Variants in RAB38 observed in about 807,000 individuals in gnomAD.
RAB38 encodes RAB38, member RAS oncogene family.
RAB38 carries 15 observed loss-of-function variants against 18.4 expected under a neutral mutation model. The observed-to-expected ratio is 0.82, with a 90% CI of 0.55 to 1.26. The LOEUF (loss-of-function observed/expected upper bound fraction) is 1.26. RAB38 is among the 50% of genes most tolerant of loss of function. The pLI is 0.00. For missense variants in RAB38, 294 were observed against 267.4 expected, an observed-to-expected ratio of 1.10 and a Z score of -0.69; for synonymous variants, 101 against 104.4, an observed-to-expected ratio of 0.97 and a Z score of 0.20.
the RAB38 span, among the ~76,000 whole-genome samples, chr11:88,094,873 C>T: frequency 5.9e-5 from 9 of 152,004 alleles, no homozygotes; most frequent in African/African-American, 1.9e-4. Flanking sequence ...TTATTTCACA[C>T]CTTTTCATTT....
chr11:88,044,538 A>G, the RAB38 span, among the ~76,000 whole-genome samples: 3 of 152,106 alleles, frequency 2.0e-5, no homozygotes, highest in Non-Finnish European at 4.4e-5. Context: ...TGACCCCAAT[A>G]CAAACTCGAC....
the RAB38 span, among the ~76,000 whole-genome samples, chr11:88,108,217 G>A: frequency 6.6e-6 from 1 of 151,896 alleles, no homozygotes; most frequent in Non-Finnish European, 1.5e-5. Context: ...ATTGATAGTG[G>A]GTGTTAAAGT....
the RAB38 span, among the ~76,000 whole-genome samples, chr11:88,077,909 G>T: frequency 6.6e-6 from 1 of 151,996 alleles, no homozygotes; most frequent in Non-Finnish European, 1.5e-5. Context: ...ATCTGCCAAG[G>T]AGTTAATAAC....
chr11:87,885,721 T>C, the RAB38 span, among the ~76,000 whole-genome samples: 1 of 151,972 alleles, frequency 6.6e-6, no homozygotes, highest in South Asian at 2.1e-4. Flanking sequence ...CTCATTTTTG[T>C]TTCTTCTTAA....
chr11:87,820,886 G>C, the RAB38 span, among the ~76,000 whole-genome samples: 2 of 152,322 alleles, frequency 1.3e-5, no homozygotes, highest in East Asian at 3.9e-4. Context: ...ATATTAGAGA[G>C]AGAAGAATAA....
chr11:87,854,684 TA>T, the RAB38 span, among the ~76,000 whole-genome samples: 987 of 152,272 alleles, frequency 6.5e-3, 11 homozygotes, highest in African/African-American at 0.022. Flanking sequence ...ATGTTTAAAA[TA>T]AAACATCTTT....
chr11:88,040,022 GC>G, the RAB38 span, among the ~76,000 whole-genome samples: 1 of 152,156 alleles, frequency 6.6e-6, no homozygotes, highest in African/African-American at 2.4e-5. Context: ...TTCTTGTTTA[GC>G]CTAGAAGCAG....
At chr11:88,175,048 G>C in intron 1 of RAB38, 135 bp downstream of exon 1, 1 of 1,119,942 alleles carries the variant, frequency 8.9e-7, no homozygotes, top group South Asian at 1.7e-5. Context: ...TTGAAACTAA[G>C]TTTCCAGCCC....
downstream of RAB38, among the ~76,000 whole-genome samples, chr11:88,109,070 T>C (rs2134758293): frequency 6.6e-6 from 1 of 152,280 alleles, no homozygotes; most frequent in Non-Finnish European, 1.5e-5. Context: ...GCCCTTAACA[T>C]TTTTTCCTTA....
At chr11:88,029,166 G>C in the RAB38 span, among the ~76,000 whole-genome samples, 7 of 152,024 alleles carry the variant, frequency 4.6e-5, no homozygotes, top group East Asian at 1.9e-4. Context: ...ATACTTTACA[G>C]ACAAGCAAAT....
In RAB38 at chr11:88,133,552, C is replaced by A. The variant is rs568200859; in HGVS notation, c.483+16123G>T. 5.9e-5 allele frequency among the ~76,000 whole-genome samples: 9 copies of A among 152,256 alleles called. No homozygotes were observed. The South Asian group carries it at 1.5e-3, about 25-fold the overall frequency. ...CCTGTTACACCCTAGACACCTCTGA[C>A]CCATGCTAGACCTCCCAGTGACTTA... On this transcript the variant is annotated intron_variant, in intron 2 of 2. Transcript: ENST00000243662.
chr11:88,174,641 A>C (rs1054745299), intron 1 of RAB38, among the ~76,000 whole-genome samples: 1 of 124,682 alleles, frequency 8.0e-6, no homozygotes. Flanking sequence ...AAAAAAAAAA[A>C]CAAAACAAAA....
chr11:87,815,598 G>C, the RAB38 span: 2 of 152,106 alleles, frequency 1.3e-5, no homozygotes, highest in East Asian at 3.8e-4. Context: ...GATGATGAAG[G>C]GTAAAATGAA....
At chr11:88,033,725 CTTTTTT>C in the RAB38 span, among the ~76,000 whole-genome samples, 1 of 101,120 alleles carries the variant, frequency 9.9e-6, no homozygotes, top group African/African-American at 3.9e-5. Flanking sequence ...GTTGTGTTGC[CTTTTTT>C]TTTTTTTTTT....
chr11:88,058,827 C>T, the RAB38 span, among the ~76,000 whole-genome samples: 59 of 152,252 alleles, frequency 3.9e-4, no homozygotes, highest in African/African-American at 1.4e-3. Flanking sequence ...TTGCCTTTTT[C>T]TTTTGCACAT....
chr11:88,056,109 T>C, the RAB38 span, among the ~76,000 whole-genome samples: 1 of 152,164 alleles, frequency 6.6e-6, no homozygotes, highest in South Asian at 2.1e-4. Flanking sequence ...TATGACTCCC[T>C]GTAAAAGCTT....
the RAB38 span, among the ~76,000 whole-genome samples, chr11:87,824,370 T>C: frequency 6.6e-6 from 1 of 152,182 alleles, no homozygotes; most frequent in Non-Finnish European, 1.5e-5. Context: ...AAATCAATTA[T>C]ATAAGGCCTC....
At chr11:88,104,080 C>G in the RAB38 span, among the ~76,000 whole-genome samples, 19,790 of 152,006 alleles carry the variant, frequency 0.13, 1,945 homozygotes, top group East Asian at 0.4. Context: ...TGGGCTTTGG[C>G]AACACTTTCT....
At chr11:87,929,293 C>T in the RAB38 span, among the ~76,000 whole-genome samples, 1 of 151,816 alleles carries the variant, frequency 6.6e-6, no homozygotes, top group Admixed American at 6.6e-5. Context: ...TATTGTAACC[C>T]CCTCTTTCCT....
Sources: gnomAD v4.1 joint callset for allele counts (sites outside exome capture counted in the v4.1 genomes callset) on GRCh38, gnomAD v4.1.1 for gene constraint, MANE v1.5 for transcripts, NCBI Gene and HGNC (gene_info 2026-07-23, HGNC 2026-07-21) for gene names.